UVRAG: variants seen among roughly 807,000 people sequenced by gnomAD.
UVRAG encodes the protein UV radiation resistance-associated gene protein.
UVRAG carries 19 observed loss-of-function variants against 78.0 expected under a neutral mutation model. That is an observed-to-expected ratio of 0.24 (90% confidence interval 0.17 to 0.36). The LOEUF (loss-of-function observed/expected upper bound fraction) is 0.36. Ranked by LOEUF, UVRAG falls within the 10% of genes least tolerant of loss-of-function variation. UVRAG has a pLI of 1.00. For missense variants in UVRAG, 740 were observed against 853.8 expected, an observed-to-expected ratio of 0.87 and a Z score of 1.66; for synonymous variants, 323 against 324.6, an observed-to-expected ratio of 1.00 and a Z score of 0.05.
chr11:76,026,061 A>G (rs1356009819), intron 12 of UVRAG, among the ~76,000 whole-genome samples: 2 of 152,050 alleles, frequency 1.3e-5, no homozygotes, highest in Non-Finnish European at 2.9e-5. Context: ...CCCTCAGCCT[A>G]CCTCTTGGCT....
rs181002086 is a variant in UVRAG, at chr11:75,849,997, C to T, written c.118-1886C>T. ...AGAATCTTCTAGGACCCACATACCC[C>T]CAGAGGTTTCCCATTGGCCACTTGG... On this transcript the variant is annotated intron_variant, in intron 1 of 14. Coordinates refer to ENST00000356136, the MANE Select transcript of UVRAG (RefSeq NM_003369.4). 3.5e-4 allele frequency among the ~76,000 whole-genome samples: 54 copies of T among 152,338 alleles called. 1 individual carries two copies. The highest frequency in any genetic ancestry group is 1.2e-3 in the African/African-American group (50 of 41,568).
intron 12 of UVRAG, among the ~76,000 whole-genome samples, chr11:76,054,072 C>T (rs895912971): frequency 2.6e-5 from 4 of 152,008 alleles, no homozygotes; most frequent in African/African-American, 9.7e-5. Flanking sequence ...CTGGTACCTG[C>T]TGATCTTAGC....
chr11:76,126,605 T>C (rs1952400251), intron 14 of UVRAG, among the ~76,000 whole-genome samples: 1 of 152,226 alleles, frequency 6.6e-6, no homozygotes, highest in Non-Finnish European at 1.5e-5. Flanking sequence ...CTACGTAGTA[T>C]TTCATCATTT....
At chr11:75,868,595 G>C (rs903837422) in intron 3 of UVRAG, among the ~76,000 whole-genome samples, 1 of 152,202 alleles carries the variant, frequency 6.6e-6, no homozygotes, top group East Asian at 1.9e-4. Flanking sequence ...CAGTGTTAAG[G>C]TCTCTGGCTT....
intron 3 of UVRAG, among the ~76,000 whole-genome samples, chr11:75,877,271 C>T (rs868545576): frequency 2.0e-5 from 3 of 152,174 alleles, no homozygotes; most frequent in Non-Finnish European, 4.4e-5. Flanking sequence ...ACACGGCAAC[C>T]ATCTGATTTC....
At chr11:75,921,153 T>C (rs1316364464) in intron 6 of UVRAG, among the ~76,000 whole-genome samples, 1 of 152,214 alleles carries the variant, frequency 6.6e-6, no homozygotes, top group Non-Finnish European at 1.5e-5. Context: ...TTAGAGATAA[T>C]CAGGTTGTTT....
chr11:76,058,534 C>CA (rs71471400), intron 12 of UVRAG, among the ~76,000 whole-genome samples: 57,723 of 111,074 alleles, frequency 0.52, 13,829 homozygotes, highest in Non-Finnish European at 0.58. Context: ...ACCCTATCTC[C>CA]AAAAAAAAAA....
intron 3 of UVRAG, among the ~76,000 whole-genome samples, chr11:75,862,298 A>G (rs1946438640): frequency 6.6e-6 from 1 of 152,222 alleles, no homozygotes. Flanking sequence ...TTTGTATAGG[A>G]TACTCCTACT....
intron 13 of UVRAG, among the ~76,000 whole-genome samples, chr11:76,100,680 T>G (rs186472328): frequency 6.6e-6 from 1 of 152,152 alleles, no homozygotes; most frequent in East Asian, 2.0e-4. Flanking sequence ...GTCACAGGAG[T>G]TTGATGTACA....
intron 14 of UVRAG, among the ~76,000 whole-genome samples, chr11:76,136,232 AC>A (rs1952595310): frequency 6.6e-6 from 1 of 152,106 alleles, no homozygotes; most frequent in Admixed American, 6.6e-5. Context: ...CTTTCTGAAA[AC>A]CTTCCATTAA....
chr11:75,908,462 G>A (rs1947665540), intron 5 of UVRAG, among the ~76,000 whole-genome samples: 1 of 152,188 alleles, frequency 6.6e-6, no homozygotes, highest in Admixed American at 6.5e-5. Context: ...GTTGTGGGCT[G>A]TAATTCTTTT....
At chr11:75,976,871 A>G (rs999367734) in intron 7 of UVRAG, among the ~76,000 whole-genome samples, 7 of 151,718 alleles carry the variant, frequency 4.6e-5, no homozygotes, top group African/African-American at 1.7e-4. Flanking sequence ...TATTTCCTTC[A>G]GTTCTGCTCT....
At chr11:75,911,240 A>G in intron 5 of UVRAG, 1 of 161,794 alleles carries the variant, frequency 6.2e-6, no homozygotes, top group Non-Finnish European at 1.4e-5. Flanking sequence ...TGGTACATGG[A>G]TCGAGGGTTC....
intron 8 of UVRAG, among the ~76,000 whole-genome samples, chr11:76,001,708 G>A (rs756158147): frequency 4.6e-5 from 7 of 152,304 alleles, no homozygotes; most frequent in Non-Finnish European, 8.8e-5. Context: ...GCAGGTTGAA[G>A]AGAGTCCCAC....
intron 7 of UVRAG, among the ~76,000 whole-genome samples, chr11:75,972,637 C>G (rs180753074): frequency 3.2e-4 from 49 of 152,302 alleles, no homozygotes; most frequent in African/African-American, 8.4e-4. Context: ...TTTACCCATA[C>G]CACCCTGTCT....
chr11:76,052,846 A>G (rs1027147884), intron 12 of UVRAG, among the ~76,000 whole-genome samples: 8 of 151,924 alleles, frequency 5.3e-5, no homozygotes, highest in African/African-American at 1.5e-4. Flanking sequence ...TTTGGTTTCC[A>G]TCTAAAATGT....
chr11:75,993,717 T>G (rs751936225), intron 8 of UVRAG, among the ~76,000 whole-genome samples: 4 of 152,224 alleles, frequency 2.6e-5, no homozygotes, highest in Non-Finnish European at 5.9e-5. Flanking sequence ...TAGTCCATTT[T>G]TGCATCACTA....
At chr11:75,959,162 A>G (rs1336334656) in intron 6 of UVRAG, among the ~76,000 whole-genome samples, 2 of 152,208 alleles carry the variant, frequency 1.3e-5, no homozygotes, top group East Asian at 3.8e-4. Context: ...ACTTAAAATC[A>G]GCAGCTGCAT....
At chr11:75,924,540 C>G (rs553474467) in intron 6 of UVRAG, among the ~76,000 whole-genome samples, 42 of 151,906 alleles carry the variant, frequency 2.8e-4, no homozygotes, top group South Asian at 1.2e-3. Context: ...GCGCCCACCA[C>G]CATGCCCAGC....
Sources: gnomAD v4.1 joint callset for allele counts (sites outside exome capture counted in the v4.1 genomes callset) on GRCh38, gnomAD v4.1.1 for gene constraint, MANE v1.5 for transcripts, NCBI Gene and HGNC (gene_info 2026-07-23, HGNC 2026-07-21) for gene names.